The following CDH13 variants were observed in gnomAD, a reference collection of about 807,000 sequenced individuals.
The protein encoded by CDH13 is cadherin 13.
A neutral mutation model predicts 63.8 loss-of-function variants in CDH13; 24 were observed. That is an observed-to-expected ratio of 0.38 (90% CI 0.27 to 0.53). CDH13 has a LOEUF of 0.53. Ranked by LOEUF, CDH13 falls within the 20% of genes least tolerant of loss-of-function variation. The probability of loss-of-function intolerance (pLI) is 0.85; values close to 1 mark genes in which losing one functional copy is unlikely to be tolerated. For missense variants in CDH13, 1,049 were observed against 903.1 expected (o/e 1.16, Z -2.07); for synonymous variants, 503 against 355.3 (o/e 1.42, Z -4.67).
At chr16:83,205,926 T>C (rs1458113468) in intron 4 of CDH13, among the ~76,000 whole-genome samples, 1 of 152,080 alleles carries the variant, frequency 6.6e-6, no homozygotes, top group Non-Finnish European at 1.5e-5. Context: ...TTATTCAAAA[T>C]CATGAGAGAG....
At chr16:83,318,596 G>T (rs1394772367) in intron 5 of CDH13, among the ~76,000 whole-genome samples, 1 of 152,162 alleles carries the variant, frequency 6.6e-6, no homozygotes, top group African/African-American at 2.4e-5. Context: ...AGGAATCTCT[G>T]TGGCACGTTG....
intron 3 of CDH13, among the ~76,000 whole-genome samples, chr16:83,067,328 G>T (rs1247661829): frequency 6.6e-6 from 1 of 152,122 alleles, no homozygotes; most frequent in African/African-American, 2.4e-5. Flanking sequence ...CTGTCTACTT[G>T]TCTACTACCA....
At chr16:83,023,910 G>C (rs1410116526) in intron 2 of CDH13, among the ~76,000 whole-genome samples, 2 of 152,192 alleles carry the variant, frequency 1.3e-5, no homozygotes, top group African/African-American at 4.8e-5. Flanking sequence ...TTTCTTTTGA[G>C]TCAATGTCTT....
At chr16:83,441,952 A>G (rs536370395) in intron 6 of CDH13, among the ~76,000 whole-genome samples, 1 of 152,270 alleles carries the variant, frequency 6.6e-6, no homozygotes, top group African/African-American at 2.4e-5. Context: ...AGAGGGCTTT[A>G]TCTATAAGGA....
chr16:82,755,346 G>A (rs1294211251), intron 1 of CDH13, among the ~76,000 whole-genome samples: 8 of 152,196 alleles, frequency 5.3e-5, no homozygotes, highest in Non-Finnish European at 4.4e-5. Context: ...TGATTGCACT[G>A]AGGGAAAACC....
At chr16:83,344,793 G>A (rs762944907) in intron 5 of CDH13, 69 bp from the exon 6 acceptor site, 10 of 1,563,806 alleles carry the variant, frequency 6.4e-6, no homozygotes, top group Non-Finnish European at 8.8e-6. Context: ...ACTTTCTCTA[G>A]AGAACCTTAT....
chr16:83,685,293 AG>A (rs1425437426), intron 10 of CDH13, among the ~76,000 whole-genome samples: 2 of 152,226 alleles, frequency 1.3e-5, no homozygotes, highest in Admixed American at 6.5e-5. Flanking sequence ...GGATAGTGTA[AG>A]GTAGATGGCA....
chr16:83,195,493 A>T (rs976503252), intron 4 of CDH13, among the ~76,000 whole-genome samples: 1 of 152,068 alleles, frequency 6.6e-6, no homozygotes, highest in African/African-American at 2.4e-5. Context: ...CAGGAGCAGG[A>T]CCAAGAGAGA....
At chr16:83,001,584 G>A (rs1303471056) in intron 2 of CDH13, among the ~76,000 whole-genome samples, 1 of 152,222 alleles carries the variant, frequency 6.6e-6, no homozygotes, top group Non-Finnish European at 1.5e-5. Context: ...AGGTATTTAT[G>A]TAAATCAGTA....
intron 5 of CDH13, among the ~76,000 whole-genome samples, chr16:83,270,578 C>T (rs1302343345): frequency 2.0e-5 from 3 of 152,130 alleles, no homozygotes; most frequent in African/African-American, 4.8e-5. Context: ...GCACAGCTCA[C>T]GTGTAGGTGC....
Position 82,820,065 on chromosome 16 carries a change from G to A in CDH13, c.46-38297G>A, listed in dbSNP as rs532135960. On this transcript the variant is annotated intron_variant, in intron 1 of 13. Coordinates refer to ENST00000567109, the MANE Select transcript of CDH13 (RefSeq NM_001257.5). The stretch of plus-strand genomic sequence containing the variant: ...GGGTTCCTGGCTGTTCCCTGCACAT[G>A]TCATTAATGTGAACACTCACCAGCA... Among the ~76,000 whole-genome samples, 5 of 152,228 alleles carry A rather than the reference G, an allele frequency of 3.3e-5. No individual in the cohort carries two copies. In the South Asian group the frequency reaches 1.0e-3, roughly 32 times the overall value.
intron 1 of CDH13, chr16:82,825,557 T>TTC (rs1567573383): frequency 6.8e-6 from 1 of 146,620 alleles, no homozygotes; most frequent in African/African-American, 2.6e-5. Flanking sequence ...TTTTTTTTTT[T>TTC]CCCAAACAGA....
intron 1 of CDH13, among the ~76,000 whole-genome samples, chr16:82,836,817 G>T (rs963338648): frequency 1.3e-5 from 2 of 152,150 alleles, no homozygotes; most frequent in Non-Finnish European, 2.9e-5. Flanking sequence ...ATTCTAATCT[G>T]CATTTTCATA....
intron 1 of CDH13, among the ~76,000 whole-genome samples, chr16:82,713,796 C>T (rs181536613): frequency 1.7e-3 from 206 of 121,290 alleles, no homozygotes; most frequent in African/African-American, 5.8e-3. Context: ...TTTAGGGCTT[C>T]TGTATTTGTG....
intron 4 of CDH13, among the ~76,000 whole-genome samples, chr16:83,149,189 C>CT (rs1555604199): frequency 6.6e-6 from 1 of 152,140 alleles, no homozygotes; most frequent in Non-Finnish European, 1.5e-5. Context: ...CAACTAATTT[C>CT]CTGTAGCTTC....
chr16:82,999,802 A>G lies in CDH13; in HGVS notation c.158-32208A>G, dbSNP rs556030402. Reference sequence around the variant, plus strand: ...TCCATATATCTCTGTCCTCATCAATAAGATGAGGCTAATGACGCTGCCTCT... The same window carrying G: ...TCCATATATCTCTGTCCTCATCAATGAGATGAGGCTAATGACGCTGCCTCT... On this transcript the variant is annotated intron_variant, in intron 2 of 13. Coordinates refer to ENST00000567109, the MANE Select transcript of CDH13 (RefSeq NM_001257.5). Among the ~76,000 whole-genome samples the G allele has an allele frequency of 4.6e-5, 7 of 152,302 alleles. No individual in the cohort carries two copies. In the East Asian group the frequency reaches 1.3e-3, roughly 29 times the overall value.
Position 83,303,412 on chromosome 16 carries a change from T to C in CDH13, c.637-41450T>C, listed in dbSNP as rs578018888. On this transcript the variant is annotated intron_variant, in intron 5 of 13. Transcript: ENST00000567109. ...GTCTGTCAATTTGAAGGGGAGTAAA[T>C]AACTTTTAGGGGGAATGAATAAGCC... is the stretch of plus-strand genomic sequence containing the variant. Among the ~76,000 whole-genome samples, 28 of 152,142 alleles carry C rather than the reference T, an allele frequency of 1.8e-4. No individual in the cohort carries two copies. In the South Asian group the frequency reaches 5.6e-3, roughly 30 times the overall value.
At chr16:83,781,687 C>A (rs1334841680) in intron 12 of CDH13, among the ~76,000 whole-genome samples, 2 of 151,390 alleles carry the variant, frequency 1.3e-5, no homozygotes, top group Non-Finnish European at 2.9e-5. Context: ...GTTTTATTTG[C>A]TAGTTTTTAT....
chr16:83,518,185 C>G (rs2074743170), intron 7 of CDH13, among the ~76,000 whole-genome samples: 1 of 152,060 alleles, frequency 6.6e-6, no homozygotes, highest in Non-Finnish European at 1.5e-5. Context: ...TGTTCTCTCA[C>G]CCAGGCTGGA....
Sources: gnomAD v4.1 joint callset for allele counts (sites outside exome capture counted in the v4.1 genomes callset) on GRCh38, gnomAD v4.1.1 for gene constraint, MANE v1.5 for transcripts, NCBI Gene and HGNC (gene_info 2026-07-23, HGNC 2026-07-21) for gene names.